The following ZNF611 variants were observed in gnomAD, a reference collection of about 807,000 sequenced individuals.
ZNF611 encodes the protein zinc finger protein 611.
A neutral mutation model predicts 8.9 loss-of-function variants in ZNF611; 6 were observed. The observed-to-expected ratio is 0.68, with a 90% CI of 0.37 to 1.34. ZNF611 has a LOEUF of 1.34. Among genes scored for constraint, ZNF611 ranks in the 40% most tolerant of loss-of-function variants. The pLI is 0.02. For missense variants in ZNF611, 874 were observed against 841.3 expected (o/e 1.04, Z -0.48); for synonymous variants, 262 against 279.7 (o/e 0.94, Z 0.63).
chr19:52,705,330 G>A lies in ZNF611; in HGVS notation c.1725C>T (p.Phe575=), dbSNP rs776201889. ...GGCATACAAGGTATGACCTGTGACT[G>A]AAGGTCTTGCTGCACTCATTACACT... ...PYKCNECSKT[F]SHRSYLVCHH... is the part of the protein sequence containing the mutation. Residue 575 remains phenylalanine, a synonymous_variant, in exon 6 of 6, where the codon TTC becomes TTT. Coordinates refer to ENST00000652185, the MANE Select transcript of ZNF611 (RefSeq NM_001161499.2). 6.4e-5 allele frequency: 103 copies of A among 1,613,906 alleles called. 1 individual carries two copies. In the South Asian group the frequency reaches 1.1e-3, roughly 17 times the overall value.
chr19:52,712,307 G>A (rs2062285299), intron 5 of ZNF611, among the ~76,000 whole-genome samples: 1 of 151,766 alleles, frequency 6.6e-6, no homozygotes, highest in South Asian at 2.1e-4. Flanking sequence ...GGCTGAGTAG[G>A]TAGAGATGTG....
At chr19:52,706,929 T>G (rs771438797) in intron 5 of ZNF611, 65 bp from the exon 6 acceptor site, 2 of 1,535,918 alleles carry the variant, frequency 1.3e-6, no homozygotes, top group Non-Finnish European at 1.7e-6. Context: ...CTGAAGTGCA[T>G]AAATATGACA....
At position 52,714,137 on chromosome 19, in the gene ZNF611, C is replaced by T. The variant is rs141987068; in HGVS notation, c.68G>A (p.Arg23His). 1.8e-4 allele frequency: 283 copies of T among 1,612,852 alleles called. No homozygotes were observed. The African/African-American group carries it at 2.5e-3, about 15-fold the overall frequency. ...TATAGCCACATCCCGGAAAGTCAAG[C>T]GTCCCTAAAATGAAACACACATTTC... ...KEPGMALPQGRLTFRDVAIEF... is the reference protein window; with the variant it reads ...KEPGMALPQGHLTFRDVAIEF... Residue 23 changes from arginine (R) to histidine (H), a missense_variant, in exon 5 of 6, where the codon CGC (arginine) becomes CAC (histidine). Arg to His is a conservative substitution (Grantham distance 29). Coordinates refer to ENST00000652185, the MANE Select transcript of ZNF611 (RefSeq NM_001161499.2).
chr19:52,713,918 C>A, intron 5 of ZNF611, 97 bp downstream of exon 5: 2 of 1,576,374 alleles, frequency 1.3e-6, no homozygotes. Context: ...AAACAAAACC[C>A]ATGTATGGGG....
chr19:52,733,166 C>T (rs1277180093), intron 1 of ZNF611, among the ~76,000 whole-genome samples: 2 of 152,082 alleles, frequency 1.3e-5, no homozygotes, highest in African/African-American at 4.8e-5. Flanking sequence ...CTTATAGATA[C>T]GAATTTTAAA....
intron 5 of ZNF611, among the ~76,000 whole-genome samples, chr19:52,713,564 G>A (rs1182430981): frequency 4.6e-5 from 7 of 152,158 alleles, no homozygotes; most frequent in Admixed American, 2.6e-4. Context: ...CATTGTCACA[G>A]TGCCAGTGAG....
Position 52,705,264 on chromosome 19 carries a change from A to G in ZNF611, c.1791T>C (p.Asn597=), listed in dbSNP as rs137869787. 50 of 1,614,072 alleles carry G rather than the reference A, an allele frequency of 3.1e-5. No individual in the cohort carries two copies. In the African/African-American group the frequency reaches 5.2e-4, roughly 17 times the overall value. Reference sequence around the variant, plus strand: ...TGCGACTGAAGGTCTTGCTGCACTCATTACACTTGTAAGGTTTCTCACCAC... The same window carrying G: ...TGCGACTGAAGGTCTTGCTGCACTCGTTACACTTGTAAGGTTTCTCACCAC... ...VHSGEKPYKC[N]ECSKTFSRRS... The change falls in exon 6 of 6, where the codon AAT becomes AAC. Residue 597 remains asparagine, a synonymous_variant. Coordinates refer to ENST00000652185, the MANE Select transcript of ZNF611 (RefSeq NM_001161499.2).
intron 3 of ZNF611, among the ~76,000 whole-genome samples, chr19:52,727,767 G>A (rs113562988): frequency 0.037 from 5,598 of 152,080 alleles, 310 homozygotes; most frequent in African/African-American, 0.12. Flanking sequence ...CCTGCATTCC[G>A]CTAGACTCTG....
Position 52,703,193 on chromosome 19 carries a change from A to C in ZNF611, c.*1744T>G, listed in dbSNP as rs2062215806. The C allele has an allele frequency of 6.6e-6, 1 of 152,082 alleles. No individual in the cohort carries two copies. Among genetic ancestry groups the C allele is most frequent in the South Asian group, 2.1e-4 (1 of 4,838 alleles). 9.4% of individuals were successfully genotyped at this position (152,082 alleles called of 1,614,324 possible). A position where few individuals can be genotyped will look rare whatever the true frequency, so the allele number is the denominator to read the frequency against. On this transcript the variant is annotated 3_prime_UTR_variant, in exon 6 of 6. Coordinates refer to ENST00000652185, the MANE Select transcript of ZNF611 (RefSeq NM_001161499.2). ...TGCAAAATAAATAAATAAATAAATA[A>C]AAAATAAAGAGAGAAATGAAGAGGA...
In ZNF611 at chr19:52,703,606, T is replaced by A. The variant is rs1261608005; in HGVS notation, c.*1331A>T. The A allele has an allele frequency of 6.7e-6, 1 of 149,866 alleles. No homozygotes were observed. The highest frequency in any genetic ancestry group is 1.5e-5 in the Non-Finnish European group (1 of 67,860). 9.3% of individuals were successfully genotyped at this position (149,866 alleles called of 1,614,324 possible). A position where few individuals can be genotyped will look rare whatever the true frequency, so the allele number is the denominator to read the frequency against. ...TTGATATCCTTTTTTTTTTTTTTTT[T>A]TTTGAGATAGACTCTCACTCTGTCG... On this transcript the variant is annotated 3_prime_UTR_variant, in exon 6 of 6. Transcript: ENST00000652185.
chr19:52,705,637 G>GT lies in ZNF611; in HGVS notation c.1417dup (p.Thr473AsnfsTer2). 6.2e-7 allele frequency: 1 copy of GT among 1,613,596 alleles called. No individual in the cohort carries two copies. Among genetic ancestry groups the GT allele is most frequent in the Non-Finnish European group, 8.5e-7 (1 of 1,179,846 alleles). On this transcript the variant is annotated frameshift_variant, in exon 6 of 6. Transcript: ENST00000652185. LOFTEE classifies it low-confidence loss of function (END_TRUNC). ...AGGTTTTTCTCCACAGTCAATTCTAGTATGTTTTGCCAGTTGTGAACTCCA... is the reference window on the plus strand; with the variant it reads ...AGGTTTTTCTCCACAGTCAATTCTAGTTATGTTTTGCCAGTTGTGAACTCCA...
intron 3 of ZNF611, among the ~76,000 whole-genome samples, chr19:52,725,897 G>A (rs35980658): frequency 6.6e-6 from 1 of 151,892 alleles, no homozygotes. Flanking sequence ...GGCCGGGACC[G>A]GACCTGTGCA....
At chr19:52,716,575 G>A (rs2062318825) in intron 3 of ZNF611, among the ~76,000 whole-genome samples, 1 of 152,192 alleles carries the variant, frequency 6.6e-6, no homozygotes, top group Non-Finnish European at 1.5e-5. Context: ...GCAATGTGGA[G>A]AAGGGGTAGG....
At chr19:52,723,215 T>C (rs2062371130) in intron 3 of ZNF611, among the ~76,000 whole-genome samples, 2 of 151,410 alleles carry the variant, frequency 1.3e-5, no homozygotes, top group Non-Finnish European at 2.9e-5. Flanking sequence ...ATTGCTTCTC[T>C]TCCACCTCTT....
intron 3 of ZNF611, among the ~76,000 whole-genome samples, chr19:52,717,302 G>A (rs2062323862): frequency 6.6e-6 from 1 of 152,164 alleles, no homozygotes; most frequent in Non-Finnish European, 1.5e-5. Flanking sequence ...CAGTGGCAAT[G>A]TCAAATGGGA....
At position 52,705,172 on chromosome 19, in the gene ZNF611, C is replaced by T. The variant is rs773897099; in HGVS notation, c.1883G>A (p.Gly628Asp). The T allele has an allele frequency of 3.7e-6, 6 of 1,614,028 alleles. No individual in the cohort carries two copies. The South Asian group carries it at 6.6e-5, about 18-fold the overall frequency. Reference protein sequence around the residue: ...GEKPYKCNECGNTFRHCSSLI... With the variant: ...GEKPYKCNECDNTFRHCSSLI... ...GGATGAGCAGTGACGGAAGGTATTGCCACACTCATTACACTTGTAAGGTTT... is the reference window on the plus strand; with the variant it reads ...GGATGAGCAGTGACGGAAGGTATTGTCACACTCATTACACTTGTAAGGTTT... Residue 628 changes from glycine to aspartate, a missense_variant, in exon 6 of 6, where the codon GGC becomes GAC. Coordinates refer to ENST00000652185, the MANE Select transcript of ZNF611 (RefSeq NM_001161499.2).
intron 3 of ZNF611, among the ~76,000 whole-genome samples, chr19:52,723,066 G>A (rs58076588): frequency 0.015 from 2,330 of 150,722 alleles, 61 homozygotes; most frequent in African/African-American, 0.053. Context: ...TCATTACTGT[G>A]CTTCCCTCCC....
Position 52,705,008 on chromosome 19 carries a change from A to C in ZNF611, c.2047T>G (p.Cys683Gly), listed in dbSNP as rs143083958. ...TAEKPYKCNE[C>G]GKAFNQQSHL... ...GATTGTTGATTAAAAGCCTTCCCAC[A>C]TTCATTACACTTGTAAGGTTTCTCT... Residue 683 changes from cysteine to glycine, a missense_variant, in exon 6 of 6, where the codon TGT (cysteine) becomes GGT (glycine). Physicochemically the swap from Cys to Gly is radical, Grantham distance 159. Transcript: ENST00000652185. 5 of 1,614,230 alleles carry C rather than the reference A, an allele frequency of 3.1e-6. No homozygotes were observed. The East Asian group carries it at 1.1e-4, about 36-fold the overall frequency.
Position 52,704,754 on chromosome 19 carries a change from G to A in ZNF611, c.*183C>T. On this transcript the variant is annotated 3_prime_UTR_variant, in exon 6 of 6. Transcript: ENST00000652185. ...GTGTTGACTGCTTGCCAAAGGCTTT[G>A]CCACACTCATTACACTTGTAAGGTT... 6.3e-7 allele frequency: 1 copy of A among 1,596,498 alleles called. No individual in the cohort carries two copies. The highest frequency in any genetic ancestry group is 8.6e-7 in the Non-Finnish European group (1 of 1,165,156).
Sources: gnomAD v4.1 joint callset for allele counts (sites outside exome capture counted in the v4.1 genomes callset) on GRCh38, gnomAD v4.1.1 for gene constraint, MANE v1.5 for transcripts, NCBI Gene and HGNC (gene_info 2026-07-23, HGNC 2026-07-21) for gene names.